The following PRDM6 variants were observed in gnomAD, a reference collection of about 807,000 sequenced individuals.
PRDM6 encodes putative histone-lysine N-methyltransferase PRDM6.
Under a neutral mutation model 60.8 loss-of-function variants are expected in PRDM6, and 25 were observed. The ratio of observed to expected loss-of-function variants is 0.41; its 90% CI spans 0.30 to 0.57. The LOEUF is 0.57. PRDM6 is among the 20% of genes least tolerant of loss of function. PRDM6 has a pLI of 0.27. For missense variants in PRDM6, 839 were observed against 821.3 expected, an observed-to-expected ratio of 1.02 and a Z score of -0.26; for synonymous variants, 407 against 357.4, an observed-to-expected ratio of 1.14 and a Z score of -1.57.
At chr5:123,089,945 C>T in intron 1 of PRDM6, 55 bp from the exon 2 acceptor site, 1 of 1,355,506 alleles carries the variant, frequency 7.4e-7, no homozygotes, top group Non-Finnish European at 1.0e-6. Context: ...TGGCCCTCTT[C>T]CCGGCCCCTT....
rs114387794 is a variant in PRDM6 at position 123,129,791 on chromosome 5, C to G, written c.901-26093C>G. On this transcript the variant is annotated intron_variant, in intron 3 of 7. Coordinates refer to ENST00000407847, the MANE Select transcript of PRDM6 (RefSeq NM_001136239.4). ...CATGTGTCTATAAATATTTCCTTTCCTTTATTTCATTAAAAAATATCTGGA... is the reference window on the plus strand; with the variant it reads ...CATGTGTCTATAAATATTTCCTTTCGTTTATTTCATTAAAAAATATCTGGA... Among the ~76,000 whole-genome samples the G allele has an allele frequency of 6.4e-3, 981 of 152,250 alleles. 14 individuals carry two copies. Among genetic ancestry groups the G allele is most frequent in the African/African-American group, 0.023 (937 of 41,540 alleles).
At chr5:123,176,907 C>G (rs1766025384) in intron 6 of PRDM6, among the ~76,000 whole-genome samples, 1 of 152,156 alleles carries the variant, frequency 6.6e-6, no homozygotes, top group Non-Finnish European at 1.5e-5. Context: ...TTGGTCAGAC[C>G]TTGGAAAATT....
At chr5:123,146,002 AGT>A (rs1765229793) in intron 3 of PRDM6, among the ~76,000 whole-genome samples, 1 of 152,206 alleles carries the variant, frequency 6.6e-6, no homozygotes, top group Non-Finnish European at 1.5e-5. Context: ...TCTAGGGCAT[AGT>A]GTGTGTCTGC....
chr5:123,180,119 G>T, intron 6 of PRDM6, 28 bp from the exon 7 acceptor site: 1 of 1,508,932 alleles, frequency 6.6e-7, no homozygotes, highest in South Asian at 1.3e-5. Context: ...AGAAAACAAT[G>T]ACCAGACAGT....
chr5:123,099,408 G>A lies in PRDM6; in HGVS notation c.593-246G>A, dbSNP rs1369384172. 3.3e-5 allele frequency among the ~76,000 whole-genome samples: 5 copies of A among 152,154 alleles called. No homozygotes were observed. The highest frequency in any genetic ancestry group is 1.2e-4 in the African/African-American group (5 of 41,440). On this transcript the variant is annotated intron_variant, in intron 2 of 7. Coordinates refer to ENST00000407847, the MANE Select transcript of PRDM6 (RefSeq NM_001136239.4). The surrounding 1 kb of genome is among the most constrained non-coding windows in gnomAD (Gnocchi z 4.0). ...CTGCGCCCAGATCCGAAGGCTTTTT[G>A]GGGAGCCTAGAGTCCTGGCCCGGTA...
chr5:123,143,401 C>T (rs1484378170), intron 3 of PRDM6, among the ~76,000 whole-genome samples: 1 of 152,146 alleles, frequency 6.6e-6, no homozygotes. Context: ...AATCCCACGT[C>T]CTGTCTAGAA....
chr5:123,113,409 C>T (rs571289003), intron 3 of PRDM6, among the ~76,000 whole-genome samples: 8 of 152,336 alleles, frequency 5.3e-5, no homozygotes, highest in African/African-American at 1.9e-4. Flanking sequence ...CTGCCAGGCA[C>T]TCTGCTAAGA....
At chr5:123,128,953 A>T (rs1322409455) in intron 3 of PRDM6, among the ~76,000 whole-genome samples, 4 of 152,204 alleles carry the variant, frequency 2.6e-5, no homozygotes, top group African/African-American at 9.7e-5. Flanking sequence ...AGGTGTAAGG[A>T]AGGGATCCAG....
chr5:123,170,364 G>T (rs927617564), intron 5 of PRDM6, among the ~76,000 whole-genome samples: 1 of 152,156 alleles, frequency 6.6e-6, no homozygotes, highest in Non-Finnish European at 1.5e-5. Context: ...AGCTGAATCC[G>T]TTTTCTCTGC....
chr5:123,171,753 A>G (rs936483604), intron 6 of PRDM6, among the ~76,000 whole-genome samples: 3 of 152,228 alleles, frequency 2.0e-5, no homozygotes, highest in Admixed American at 6.5e-5. Context: ...TTTTATGGCC[A>G]TGAACTGAGG....
chr5:123,116,448 A>G (rs1368503042), intron 3 of PRDM6, among the ~76,000 whole-genome samples: 2 of 152,214 alleles, frequency 1.3e-5, no homozygotes, highest in African/African-American at 4.8e-5. Flanking sequence ...CGGCATCACC[A>G]AGGTAATATT....
At chr5:123,122,024 G>A (rs184625350) in intron 3 of PRDM6, among the ~76,000 whole-genome samples, 42 of 151,582 alleles carry the variant, frequency 2.8e-4, no homozygotes, top group African/African-American at 9.4e-4. Flanking sequence ...TTAGCTGGGC[G>A]TGGTGGCGGG....
chr5:123,090,248 C>A lies in PRDM6; in HGVS notation c.234C>A (p.Ser78=). Residue 78 remains serine, a synonymous_variant, in exon 2 of 8, where the codon TCC becomes TCA. Transcript: ENST00000407847. ...SLRPRPASLS[S]ASSTPASSST... is the part of the protein sequence containing the mutation. ...GCCCGCGGCCCGCCTCTCTCTCCTC[C>A]GCCTCGTCCACGCCGGCTTCCTCTT... The A allele has an allele frequency of 1.3e-6, 2 of 1,485,072 alleles. No homozygotes were observed. Among genetic ancestry groups the A allele is most frequent in the African/African-American group, 1.5e-5 (1 of 68,224 alleles). 92.0% of individuals were successfully genotyped at this position (1,485,072 alleles called of 1,614,324 possible). A position where few individuals can be genotyped will look rare whatever the true frequency, so the allele number is the denominator to read the frequency against.
chr5:123,152,135 T>C (rs1198268319), intron 3 of PRDM6, among the ~76,000 whole-genome samples: 1 of 152,212 alleles, frequency 6.6e-6, no homozygotes, highest in African/African-American at 2.4e-5. Flanking sequence ...TTCTAGGCTG[T>C]CACTTCAAAC....
In PRDM6 at chr5:123,189,373, C is replaced by T. The variant is rs1188884697; in HGVS notation, c.*2172C>T. On this transcript the variant is annotated 3_prime_UTR_variant, in exon 8 of 8. Transcript: ENST00000407847. ...TTTTTTTTTTCATTTGAAAAATCAG[C>T]TCAGCCATTTGCCACATTTCACAGT... 1.3e-5 allele frequency: 2 copies of T among 152,040 alleles called. No homozygotes were observed. Among genetic ancestry groups the T allele is most frequent in the Admixed American group, 6.6e-5 (1 of 15,252 alleles). The allele number at this position is 152,040 out of a possible 1,614,324, so 9.4% of individuals were successfully genotyped here.
At position 123,155,007 on chromosome 5, in the gene PRDM6, G is replaced by A. The variant is rs59553736; in HGVS notation, c.901-877G>A. Among the ~76,000 whole-genome samples, 7 of 152,266 alleles carry A rather than the reference G, an allele frequency of 4.6e-5. No homozygotes were observed. The East Asian group carries it at 1.2e-3, about 25-fold the overall frequency. On this transcript the variant is annotated intron_variant, in intron 3 of 7. Transcript: ENST00000407847. ...CCCTAAGTGCCCTGAATCTGAAGTC[G>A]TTTCTGGAAAGGCAAGCTGTTGCCT...
intron 5 of PRDM6, 122 bp downstream of exon 5, chr5:123,159,760 A>G: frequency 1.1e-6 from 1 of 949,298 alleles, no homozygotes; most frequent in Non-Finnish European, 1.6e-6. Flanking sequence ...ACAAACATAT[A>G]CAAGTCTATT....
chr5:123,146,133 C>A (rs542958240), intron 3 of PRDM6, among the ~76,000 whole-genome samples: 104 of 152,146 alleles, frequency 6.8e-4, no homozygotes, highest in Non-Finnish European at 1.2e-3. Flanking sequence ...TGCACCTAGG[C>A]TTTGGTCCAA....
chr5:123,107,257 T>TA (rs775622985), intron 3 of PRDM6, among the ~76,000 whole-genome samples: 1 of 152,258 alleles, frequency 6.6e-6, no homozygotes, highest in Non-Finnish European at 1.5e-5. Context: ...ATTGCAGATC[T>TA]AAAATTCAAT....
Sources: allele counts gnomAD v4.1 joint callset (sites outside exome capture counted in the v4.1 genomes callset), GRCh38; gene constraint gnomAD v4.1.1; non-coding constraint Gnocchi (gnomAD v3.1); transcripts MANE v1.5; gene names NCBI Gene and HGNC (gene_info 2026-07-23, HGNC 2026-07-21).